PCDH9: variants seen among roughly 807,000 people sequenced by gnomAD.
PCDH9 encodes protocadherin 9, also known as protocadherin-9.
PCDH9 carries 24 observed loss-of-function variants against 70.6 expected under a neutral mutation model. The ratio of observed to expected loss-of-function variants is 0.34; its 90% CI spans 0.25 to 0.48. PCDH9 has a LOEUF of 0.48. PCDH9 is among the 20% of genes least tolerant of loss of function. The pLI is 0.99. For missense variants in PCDH9, 1,281 were observed against 1,503.6 expected, an observed-to-expected ratio of 0.85 and a Z score of 2.45; for synonymous variants, 562 against 558.5, an observed-to-expected ratio of 1.01 and a Z score of -0.09.
chr13:66,842,442 C>T (rs185515725), intron 3 of PCDH9, among the ~76,000 whole-genome samples: 5 of 152,252 alleles, frequency 3.3e-5, no homozygotes, highest in South Asian at 2.1e-4. Flanking sequence ...CTTCCTCTCT[C>T]GCCCTTTTCC....
At chr13:66,858,057 C>T (rs897853764) in intron 3 of PCDH9, among the ~76,000 whole-genome samples, 109 of 152,186 alleles carry the variant, frequency 7.2e-4, no homozygotes, top group African/African-American at 2.6e-3. Flanking sequence ...AGTTAATGTG[C>T]CTTTAAAATA....
chr13:66,685,700 G>A (rs775834852), intron 3 of PCDH9, among the ~76,000 whole-genome samples: 1 of 152,228 alleles, frequency 6.6e-6, no homozygotes, highest in Non-Finnish European at 1.5e-5. Flanking sequence ...ACAAAATCAT[G>A]TGGGTGGAGC....
intron 2 of PCDH9, among the ~76,000 whole-genome samples, chr13:67,158,613 C>T (rs926217322): frequency 2.6e-5 from 4 of 152,196 alleles, no homozygotes; most frequent in African/African-American, 7.2e-5. Context: ...AGGAAAAGTG[C>T]TTTCACCAGA....
At chr13:67,015,382 C>T (rs1260444097) in intron 2 of PCDH9, among the ~76,000 whole-genome samples, 1 of 152,092 alleles carries the variant, frequency 6.6e-6, no homozygotes, top group Non-Finnish European at 1.5e-5. Flanking sequence ...GCTTAATTTA[C>T]AAAAATCAAA....
intron 3 of PCDH9, among the ~76,000 whole-genome samples, chr13:66,778,091 A>G (rs1474203158): frequency 1.5e-5 from 2 of 131,944 alleles, no homozygotes; most frequent in Non-Finnish European, 3.1e-5. Flanking sequence ...ATGAGAACAC[A>G]TGGACACAGG....
chr13:66,336,734 C>A (rs1956044057), intron 4 of PCDH9, among the ~76,000 whole-genome samples: 1 of 151,974 alleles, frequency 6.6e-6, no homozygotes, highest in Admixed American at 6.6e-5. Context: ...ATCTGTGGCT[C>A]TTTAACATCA....
chr13:66,968,480 T>C (rs919079709), intron 2 of PCDH9, among the ~76,000 whole-genome samples: 2 of 152,010 alleles, frequency 1.3e-5, no homozygotes, highest in Admixed American at 6.6e-5. Flanking sequence ...AGATGAGATG[T>C]TGTCAAATCA....
intron 2 of PCDH9, among the ~76,000 whole-genome samples, chr13:67,060,758 G>C (rs1367958077): frequency 6.6e-6 from 1 of 151,936 alleles, no homozygotes; most frequent in Non-Finnish European, 1.5e-5. Flanking sequence ...AATTAACAAA[G>C]ACCTAGTTCA....
intron 4 of PCDH9, among the ~76,000 whole-genome samples, chr13:66,467,598 T>G (rs1418241132): frequency 6.6e-6 from 1 of 152,038 alleles, no homozygotes; most frequent in Non-Finnish European, 1.5e-5. Context: ...TCCCATTATC[T>G]AAGGGCATGC....
chr13:66,972,648 AG>A (rs889578622), intron 2 of PCDH9, among the ~76,000 whole-genome samples: 24 of 151,998 alleles, frequency 1.6e-4, no homozygotes. Flanking sequence ...TTTGTGGCCT[AG>A]CTATTGAGAT....
At chr13:66,796,769 T>C (rs1293458099) in intron 3 of PCDH9, among the ~76,000 whole-genome samples, 2 of 152,118 alleles carry the variant, frequency 1.3e-5, no homozygotes, top group African/African-American at 2.4e-5. Flanking sequence ...GACATATAAA[T>C]ACATAATTAT....
At chr13:66,944,264 ACTAT>A (rs1457605132) in intron 2 of PCDH9, among the ~76,000 whole-genome samples, 1 of 152,128 alleles carries the variant, frequency 6.6e-6, no homozygotes, top group Admixed American at 6.6e-5. Context: ...CTTTAATGCA[ACTAT>A]CTATTTAACT....
chr13:67,063,188 A>G (rs2085573158), intron 2 of PCDH9, among the ~76,000 whole-genome samples: 1 of 152,140 alleles, frequency 6.6e-6, no homozygotes, highest in Admixed American at 6.6e-5. Context: ...TACCCGTAAC[A>G]TTGCTGGTTG....
chr13:66,852,297 T>G (rs1020353069), intron 3 of PCDH9, among the ~76,000 whole-genome samples: 3 of 152,220 alleles, frequency 2.0e-5, no homozygotes, highest in Admixed American at 1.3e-4. Flanking sequence ...TCCTAGAAAG[T>G]GTCATTCAGC....
chr13:67,167,329 G>A (rs1240826959), intron 2 of PCDH9, among the ~76,000 whole-genome samples: 3 of 152,086 alleles, frequency 2.0e-5, no homozygotes, highest in Non-Finnish European at 4.4e-5. Context: ...TTTAAAATGA[G>A]GAGGATAATA....
At chr13:66,444,198 A>G (rs1958027899) in intron 4 of PCDH9, among the ~76,000 whole-genome samples, 1 of 152,196 alleles carries the variant, frequency 6.6e-6, no homozygotes, top group Admixed American at 6.6e-5. Context: ...AAGAAACTTT[A>G]ACAAAAGCTG....
chr13:66,845,621 C>T (rs2139439212), intron 3 of PCDH9, among the ~76,000 whole-genome samples: 1 of 152,276 alleles, frequency 6.6e-6, no homozygotes, highest in African/African-American at 2.4e-5. Flanking sequence ...CTAGCTTGGG[C>T]AGCAGCCGCT....
At chr13:66,665,421 G>A (rs2139026465) in intron 3 of PCDH9, among the ~76,000 whole-genome samples, 1 of 152,094 alleles carries the variant, frequency 6.6e-6, no homozygotes, top group East Asian at 1.9e-4. Flanking sequence ...CTTTTCTAAT[G>A]ACATTCCACA....
At chr13:66,696,512 T>C (rs1267153275) in intron 3 of PCDH9, among the ~76,000 whole-genome samples, 1 of 152,220 alleles carries the variant, frequency 6.6e-6, no homozygotes, top group African/African-American at 2.4e-5. Flanking sequence ...GCAGTATGCC[T>C]TGTTCATTTC....
Sources: gnomAD v4.1 joint callset for allele counts (sites outside exome capture counted in the v4.1 genomes callset) on GRCh38, gnomAD v4.1.1 for gene constraint, MANE v1.5 for transcripts, NCBI Gene and HGNC (gene_info 2026-07-23, HGNC 2026-07-21) for gene names.